The following ANAPC10 variants were observed in gnomAD, a reference collection of about 807,000 sequenced individuals.
ANAPC10 encodes anaphase-promoting complex subunit 10.
A neutral mutation model predicts 22.0 loss-of-function variants in ANAPC10; 12 were observed. That is an observed-to-expected ratio of 0.55 (90% CI 0.35 to 0.88). ANAPC10 has a LOEUF of 0.88. Ranked by LOEUF, ANAPC10 falls within the 40% of genes least tolerant of loss-of-function variation. The pLI is 0.01. For synonymous variants in ANAPC10, 65 were observed against 69.5 expected (o/e 0.94, Z 0.32); for missense variants, 188 against 220.9 (o/e 0.85, Z 0.94).
chr4:145,032,414 C>A (rs1349283967), intron 4 of ANAPC10, among the ~76,000 whole-genome samples: 1 of 152,092 alleles, frequency 6.6e-6, no homozygotes, highest in African/African-American at 2.4e-5. Context: ...AAATTGGTGA[C>A]CAAGAAATTT....
At chr4:145,000,232 C>T (rs184858801) in intron 4 of ANAPC10, among the ~76,000 whole-genome samples, 17 of 151,970 alleles carry the variant, frequency 1.1e-4, no homozygotes, top group African/African-American at 3.4e-4. Context: ...AGCTTCTGCA[C>T]GGCAAAAGAA....
intron 2 of ANAPC10, among the ~76,000 whole-genome samples, chr4:145,090,177 T>A (rs1747457830): frequency 6.6e-6 from 1 of 152,192 alleles, no homozygotes; most frequent in African/African-American, 2.4e-5. Context: ...GATGCACAAG[T>A]CCCTTATTTA....
At chr4:145,055,758 G>C (rs114557116) in intron 4 of ANAPC10, among the ~76,000 whole-genome samples, 6 of 152,022 alleles carry the variant, frequency 3.9e-5, no homozygotes, top group African/African-American at 9.7e-5. Context: ...GCCTGGAGAA[G>C]GGGGAAACTG....
At chr4:145,096,823 T>C (rs1210653415) in intron 1 of ANAPC10, among the ~76,000 whole-genome samples, 1 of 152,072 alleles carries the variant, frequency 6.6e-6, no homozygotes, top group Non-Finnish European at 1.5e-5. Context: ...TAGCTGGGAT[T>C]ACAGGTGTGA....
intron 2 of ANAPC10, among the ~76,000 whole-genome samples, chr4:145,084,981 A>C (rs1223186009): frequency 6.6e-6 from 1 of 152,240 alleles, no homozygotes; most frequent in Non-Finnish European, 1.5e-5. Flanking sequence ...TCTATTGGAC[A>C]GTCATGCTTC....
At chr4:145,093,857 C>A (rs990051907) in intron 2 of ANAPC10, among the ~76,000 whole-genome samples, 1 of 152,104 alleles carries the variant, frequency 6.6e-6, no homozygotes, top group African/African-American at 2.4e-5. Context: ...AATGGTCTAG[C>A]ATATGTATAA....
At chr4:145,062,008 A>G (rs1161392548) in intron 4 of ANAPC10, among the ~76,000 whole-genome samples, 5 of 151,846 alleles carry the variant, frequency 3.3e-5, no homozygotes, top group Non-Finnish European at 5.9e-5. Flanking sequence ...GGCTGCAGTG[A>G]GCTGAGATCA....
rs913920436 is a variant in ANAPC10, at chr4:145,052,834, G to A, written c.327+11738C>T. Among the ~76,000 whole-genome samples, 10 of 149,878 alleles carry A rather than the reference G, an allele frequency of 6.7e-5. No individual in the cohort carries two copies. In the Middle Eastern group the frequency reaches 0.014, roughly 211 times the overall value. ...ACCTGGGAGGCGAAGGTTGCAGTGA[G>A]CCGAGATTGCACCACTGCACTCCTG... On this transcript the variant is annotated intron_variant, in intron 4 of 4. Coordinates refer to ENST00000507656, the MANE Select transcript of ANAPC10 (RefSeq NM_001256706.2).
At chr4:145,086,899 T>C (rs775449346) in intron 2 of ANAPC10, among the ~76,000 whole-genome samples, 1 of 152,056 alleles carries the variant, frequency 6.6e-6, no homozygotes, top group Non-Finnish European at 1.5e-5. Flanking sequence ...TCTATGGTTA[T>C]TGTTATTGTT....
rs144731312 is a variant in ANAPC10 at position 145,063,168 on chromosome 4, C to G, written c.327+1404G>C. Among the ~76,000 whole-genome samples the G allele has an allele frequency of 3.3e-5, 5 of 152,150 alleles. No individual in the cohort carries two copies. The East Asian group carries it at 9.6e-4, about 29-fold the overall frequency. ...TAAGAGAGTGGATTTTGAGAGTTCT[C>G]ACCACAAAAAAGTGGTATGTGAAGT... is the stretch of plus-strand genomic sequence containing the variant. On this transcript the variant is annotated intron_variant, in intron 4 of 4. Transcript: ENST00000507656.
At chr4:145,001,173 TAAAGTA>T (rs1336075949) in intron 4 of ANAPC10, among the ~76,000 whole-genome samples, 2 of 128,548 alleles carry the variant, frequency 1.6e-5, no homozygotes, top group Non-Finnish European at 3.1e-5. Context: ...CCCTAGAACT[TAAAGTA>T]TAATAAATGA....
chr4:144,995,558 T>C lies in ANAPC10; in HGVS notation c.373A>G (p.Thr125Ala). The C allele has an allele frequency of 6.2e-7, 1 of 1,613,598 alleles. No homozygotes were observed. Among genetic ancestry groups the C allele is most frequent in the Non-Finnish European group, 8.5e-7 (1 of 1,179,816 alleles). Residue 125 changes from threonine (T) to alanine (A), a missense_variant, in exon 5 of 5, where the codon ACT (threonine) becomes GCT (alanine). By Grantham distance (58) the Thr-to-Ala change is moderately conservative. Transcript: ENST00000507656. ...CGAGTTGGCTTCTTATGATTGTCAG[T>C]TAAGGGAACATGAATCCAGCCACTT... is the stretch of plus-strand genomic sequence containing the variant. Reference protein sequence around the residue: ...EPSGWIHVPLTDNHKKPTRTF... With the variant: ...EPSGWIHVPLADNHKKPTRTF...
At chr4:145,064,488 T>C (rs898826583) in intron 4 of ANAPC10, 84 bp downstream of exon 4, 10 of 1,046,502 alleles carry the variant, frequency 9.6e-6, no homozygotes, top group African/African-American at 1.6e-5. Flanking sequence ...CATTTTAACC[T>C]GTCTAATGTA....
intron 3 of ANAPC10, among the ~76,000 whole-genome samples, chr4:145,072,851 A>G (rs1323643505): frequency 6.6e-6 from 1 of 152,002 alleles, no homozygotes; most frequent in African/African-American, 2.4e-5. Context: ...TAATGTATTC[A>G]CAAGTATTAA....
intron 4 of ANAPC10, among the ~76,000 whole-genome samples, chr4:145,016,525 T>C (rs7349671): frequency 0.059 from 8,990 of 152,138 alleles, 337 homozygotes; most frequent in African/African-American, 0.11. Flanking sequence ...GAATCAATAT[T>C]GTGAAAATGG....
At chr4:145,058,013 A>C (rs1742322156) in intron 4 of ANAPC10, among the ~76,000 whole-genome samples, 3 of 152,126 alleles carry the variant, frequency 2.0e-5, no homozygotes, top group African/African-American at 7.2e-5. Flanking sequence ...CCCATGATTA[A>C]GCTGTGTTGA....
At chr4:145,008,429 A>C (rs1733763995) in intron 4 of ANAPC10, among the ~76,000 whole-genome samples, 1 of 152,188 alleles carries the variant, frequency 6.6e-6, no homozygotes, top group Admixed American at 6.5e-5. Flanking sequence ...TCGGTGCAAA[A>C]ATCATCAATA....
intron 4 of ANAPC10, among the ~76,000 whole-genome samples, chr4:145,016,133 G>A (rs1735090256): frequency 6.6e-6 from 1 of 152,118 alleles, no homozygotes; most frequent in Non-Finnish European, 1.5e-5. Flanking sequence ...AATCAGGCAG[G>A]AGAAAGAAAT....
In ANAPC10 at chr4:144,995,477, G is replaced by A; in HGVS notation, c.454C>T (p.His152Tyr). The change falls in exon 5 of 5, where the codon CAT (histidine) becomes TAT (tyrosine). Residue 152 changes from histidine to tyrosine, a missense_variant. Coordinates refer to ENST00000507656, the MANE Select transcript of ANAPC10 (RefSeq NM_001256706.2). Reference protein sequence around the residue: ...LANHQNGRDTHMRQIKIYTPV... With the variant: ...LANHQNGRDTYMRQIKIYTPV... ...GTGTATATTTTAATTTGTCTCATAT[G>A]GGTGTCTCTTCCATTCTGGTGATTG... 6.2e-7 allele frequency: 1 copy of A among 1,613,478 alleles called. No individual in the cohort carries two copies. Among genetic ancestry groups the A allele is most frequent in the Non-Finnish European group, 8.5e-7 (1 of 1,179,602 alleles).
Sources: gnomAD v4.1 joint callset for allele counts (sites outside exome capture counted in the v4.1 genomes callset) on GRCh38, gnomAD v4.1.1 for gene constraint, MANE v1.5 for transcripts, NCBI Gene and HGNC (gene_info 2026-07-23, HGNC 2026-07-21) for gene names.